TYW1: variants seen among roughly 807,000 people sequenced by gnomAD.
TYW1 encodes the protein tRNA-yW synthesizing protein 1 homolog, also known as S-adenosyl-L-methionine-dependent tRNA 4-demethylwyosine synthase TYW1.
Under a neutral mutation model 96.2 loss-of-function variants are expected in TYW1, and 46 were observed. The observed-to-expected ratio is 0.48, with a 90% confidence interval of 0.38 to 0.61. TYW1 has a LOEUF of 0.61. Ranked by LOEUF, TYW1 falls within the 20% of genes least tolerant of loss-of-function variation. The pLI is 0.00. For missense variants in TYW1, 684 were observed against 909.6 expected (o/e 0.75, Z 3.19); for synonymous variants, 274 against 323.0 (o/e 0.85, Z 1.63).
chr7:67,235,961 G>A (rs1455907517), intron 15 of TYW1, among the ~76,000 whole-genome samples: 1 of 149,534 alleles, frequency 6.7e-6, no homozygotes, highest in Non-Finnish European at 1.5e-5. Flanking sequence ...CTGGGTGATG[G>A]CATATGTTGT....
intron 13 of TYW1, among the ~76,000 whole-genome samples, chr7:67,140,832 A>T (rs1045888259): frequency 1.3e-5 from 2 of 152,238 alleles, no homozygotes; most frequent in African/African-American, 4.8e-5. Context: ...ATAGCAGAAG[A>T]TTAGAAGCAA....
chr7:67,027,519 AC>A (rs1794489892), intron 7 of TYW1, among the ~76,000 whole-genome samples: 3 of 152,218 alleles, frequency 2.0e-5, no homozygotes, highest in Admixed American at 2.0e-4. Context: ...TTTATGAATG[AC>A]TTTAAAGTGT....
intron 7 of TYW1, among the ~76,000 whole-genome samples, chr7:67,044,986 A>G (rs558148014): frequency 6.6e-6 from 1 of 152,266 alleles, no homozygotes; most frequent in Non-Finnish European, 1.5e-5. Flanking sequence ...GGATCAAACA[A>G]TCAGAAAGAC....
rs2116462350 is a variant in TYW1 at position 67,238,452 on chromosome 7, G to T, written c.2122G>T (p.Ala708Ser). The change falls in exon 16 of 16, where the codon GCC (alanine) becomes TCC (serine). Residue 708 changes from alanine (A) to serine (S), a missense_variant. Transcript: ENST00000359626. ...AACTCCTCACTGGGCATTATTTGGT[G>T]CCAGTGAAAGAGGCTTTGATCCCAA... ...ARTPHWALFG[A>S]SERGFDPKDT... The T allele has an allele frequency of 6.2e-7, 1 of 1,613,920 alleles. No individual in the cohort carries two copies. Among genetic ancestry groups the T allele is most frequent in the Middle Eastern group, 1.7e-4 (1 of 6,056 alleles).
intron 13 of TYW1, among the ~76,000 whole-genome samples, chr7:67,146,747 T>C (rs1242315366): frequency 6.6e-6 from 1 of 152,250 alleles, no homozygotes; most frequent in Non-Finnish European, 1.5e-5. Flanking sequence ...GTTAATCAAG[T>C]TAGAAATATC....
chr7:67,212,159 T>C (rs1801053367), intron 15 of TYW1, among the ~76,000 whole-genome samples: 1 of 152,132 alleles, frequency 6.6e-6, no homozygotes, highest in African/African-American at 2.4e-5. Context: ...AGCCACTGAT[T>C]ATTGTTCTAT....
At chr7:67,127,524 T>G (rs2116035012) in intron 13 of TYW1, among the ~76,000 whole-genome samples, 1 of 152,284 alleles carries the variant, frequency 6.6e-6, no homozygotes, top group African/African-American at 2.4e-5. Flanking sequence ...CATCACTCAT[T>G]TTACTTATAC....
At chr7:67,238,201 G>A in intron 15 of TYW1, 107 bp from the exon 16 acceptor site, 8 of 1,501,900 alleles carry the variant, frequency 5.3e-6, no homozygotes, top group Non-Finnish European at 7.1e-6. Context: ...TTGTTTTCTT[G>A]ACGTGATAGG....
In TYW1 at chr7:67,135,310, T is replaced by TTTTTTTG. The variant is rs1798215866; in HGVS notation, c.1698+17698_1698+17699insGTTTTTT. Among the ~76,000 whole-genome samples, 11 of 142,010 alleles carry TTTTTTTG rather than the reference T, an allele frequency of 7.7e-5. No individual in the cohort carries two copies. In the South Asian group the frequency reaches 1.9e-3, roughly 24 times the overall value. The allele number at this position is 142,010 out of a possible 152,430, so 93.2% of individuals were successfully genotyped here. ...AATATGATGTTAAAACAGTTTTTTT[T>TTTTTTTG]TTTTTTTTTTTTGAGACAGTCTCTC... On this transcript the variant is annotated intron_variant, in intron 13 of 15. Transcript: ENST00000359626.
intron 3 of TYW1, among the ~76,000 whole-genome samples, chr7:67,002,184 A>C (rs1358200852): frequency 1.3e-5 from 2 of 151,548 alleles, no homozygotes; most frequent in Non-Finnish European, 2.9e-5. Context: ...GGTAGATGGG[A>C]ATATGGGCTT....
chr7:67,206,932 T>G (rs28497071), intron 15 of TYW1, among the ~76,000 whole-genome samples: 40,782 of 152,072 alleles, frequency 0.27, 5,825 homozygotes, highest in African/African-American at 0.36. Context: ...TCACAATCGG[T>G]TCCTTTTTCA....
At chr7:67,134,673 A>T (rs1459192147) in intron 13 of TYW1, among the ~76,000 whole-genome samples, 1 of 151,890 alleles carries the variant, frequency 6.6e-6, no homozygotes, top group Non-Finnish European at 1.5e-5. Context: ...AAGCTGTCAA[A>T]GATACAGGTA....
At position 67,143,371 on chromosome 7, in the gene TYW1, T is replaced by C. The variant is rs111974301; in HGVS notation, c.1698+25753T>C. Among the ~76,000 whole-genome samples the C allele has an allele frequency of 9.5e-3, 1,440 of 152,322 alleles. 8 individuals carry two copies. Among genetic ancestry groups the C allele is most frequent in the Non-Finnish European group, 0.015 (990 of 68,028 alleles). The stretch of plus-strand genomic sequence containing the variant: ...AGAAAAGGCATTCTGCAAGAAGTGA[T>C]AGCGGAACTGAGACTTAAAACGTAG... On this transcript the variant is annotated intron_variant, in intron 13 of 15. Transcript: ENST00000359626.
chr7:67,079,176 G>C (rs1322873781), intron 10 of TYW1, among the ~76,000 whole-genome samples: 1 of 149,214 alleles, frequency 6.7e-6, no homozygotes, highest in East Asian at 1.9e-4. Flanking sequence ...TGAGAGGTGT[G>C]TGTGTGTGTG....
intron 14 of TYW1, among the ~76,000 whole-genome samples, chr7:67,187,012 A>T (rs1401196393): frequency 6.6e-6 from 1 of 151,066 alleles, no homozygotes; most frequent in Non-Finnish European, 1.5e-5. Flanking sequence ...GAGAGATTTT[A>T]TAATTGAAAA....
rs565714797 is a variant in TYW1 at position 67,063,202 on chromosome 7, A to T, written c.1156-4083A>T. The stretch of plus-strand genomic sequence containing the variant: ...CTAAGAAGAAAAATATCAGTCAGTC[A>T]TATCAATTGATTCTGAAAAAGCATT... On this transcript the variant is annotated intron_variant, in intron 9 of 15. Coordinates refer to ENST00000359626, the MANE Select transcript of TYW1 (RefSeq NM_018264.4). Among the ~76,000 whole-genome samples, 8 of 152,336 alleles carry T rather than the reference A, an allele frequency of 5.3e-5. No individual in the cohort carries two copies. The East Asian group carries it at 1.5e-3, about 29-fold the overall frequency.
At chr7:67,180,360 T>C (rs1334529367) in intron 13 of TYW1, among the ~76,000 whole-genome samples, 1 of 96,278 alleles carries the variant, frequency 1.0e-5, no homozygotes, top group Non-Finnish European at 2.1e-5. Context: ...TTTAACTCAC[T>C]ACCGTATCCT....
At chr7:67,211,191 T>TGTGTG (rs1353587546) in intron 15 of TYW1, among the ~76,000 whole-genome samples, 44 of 141,518 alleles carry the variant, frequency 3.1e-4, no homozygotes, top group Non-Finnish European at 4.6e-4. Flanking sequence ...TGTGTGTGTG[T>TGTGTG]TTTGAGCACT....
intron 12 of TYW1, among the ~76,000 whole-genome samples, chr7:67,100,850 C>CGA (rs781118802): frequency 4.0e-5 from 3 of 75,624 alleles, no homozygotes; most frequent in South Asian, 5.4e-4. Flanking sequence ...GGCTACAGAG[C>CGA]AAAAAAAAAA....
Sources: allele counts gnomAD v4.1 joint callset (sites outside exome capture counted in the v4.1 genomes callset), GRCh38; gene constraint gnomAD v4.1.1; transcripts MANE v1.5; gene names NCBI Gene and HGNC (gene_info 2026-07-23, HGNC 2026-07-21).